The following NRXN3 variants were observed in gnomAD, a reference collection of about 807,000 sequenced individuals.
The protein encoded by NRXN3 is neurexin 3, also known as neurexin III.
In NRXN3, 32 loss-of-function variants were observed where a neutral mutation model predicts 137.6. The ratio of observed to expected loss-of-function variants is 0.23; its 90% CI spans 0.18 to 0.31. The LOEUF (loss-of-function observed/expected upper bound fraction) is 0.31. Ranked by LOEUF, NRXN3 falls within the 10% of genes least tolerant of loss-of-function variation. The pLI, the probability that NRXN3 is intolerant of heterozygous loss-of-function variation, is 1.00. For synonymous variants in NRXN3, 798 were observed against 784.5 expected (o/e 1.02, Z -0.29); for missense variants, 1,574 against 2,062.5 (o/e 0.76, Z 4.59).
intron 15 of NRXN3, among the ~76,000 whole-genome samples, chr14:79,084,965 TGCATTAAG>T (rs1462172420): frequency 7.9e-5 from 12 of 152,114 alleles, no homozygotes; most frequent in Non-Finnish European, 1.6e-4. Flanking sequence ...TAAGGTAAAA[TGCATTAAG>T]GCTTAAGAGC....
chr14:78,768,823 A>G (rs963560708), intron 8 of NRXN3, among the ~76,000 whole-genome samples: 2 of 152,206 alleles, frequency 1.3e-5, no homozygotes, highest in Admixed American at 6.5e-5. Flanking sequence ...ATTAGTTTCC[A>G]TGCTGTCTCT....
chr14:79,116,694 A>G (rs900673664), intron 15 of NRXN3, among the ~76,000 whole-genome samples: 30 of 152,348 alleles, frequency 2.0e-4, no homozygotes, highest in African/African-American at 6.7e-4. Flanking sequence ...GTCTTTAAAT[A>G]AATGTTAGGG....
chr14:78,379,925 T>C (rs1185884709), intron 4 of NRXN3, among the ~76,000 whole-genome samples: 1 of 152,172 alleles, frequency 6.6e-6, no homozygotes, highest in African/African-American at 2.4e-5. Context: ...CAAAGAACAA[T>C]TGTATTTCTA....
At chr14:78,174,358 G>C (rs545469480) in intron 1 of NRXN3, among the ~76,000 whole-genome samples, 1 of 152,150 alleles carries the variant, frequency 6.6e-6, no homozygotes, top group African/African-American at 2.4e-5. Flanking sequence ...TCAGTGGGCT[G>C]TGTCGAACCA....
rs1312449662 is a variant in NRXN3 at position 78,404,225 on chromosome 14, G to C, written c.757+106365G>C. Among the ~76,000 whole-genome samples, 3 of 128,262 alleles carry C rather than the reference G, an allele frequency of 2.3e-5. No individual in the cohort carries two copies. The Admixed American group carries it at 2.5e-4, about 11-fold the overall frequency. 84.1% of individuals were successfully genotyped at this position (128,262 alleles called of 152,430 possible). On this transcript the variant is annotated intron_variant, in intron 4 of 20. Transcript: ENST00000335750. ...TTTTCCTTTTTTTTTTTTTTTTTAAGTTGTCGCTGCATGGGAGCAGGCAGA... is the reference window on the plus strand; with the variant it reads ...TTTTCCTTTTTTTTTTTTTTTTTAACTTGTCGCTGCATGGGAGCAGGCAGA...
At chr14:78,761,580 T>C (rs1456891124) in intron 8 of NRXN3, among the ~76,000 whole-genome samples, 1 of 152,174 alleles carries the variant, frequency 6.6e-6, no homozygotes, top group Non-Finnish European at 1.5e-5. Flanking sequence ...AAAACTGAGC[T>C]TGAACTTTTA....
chr14:78,802,878 AGAGG>A (rs1182059551), intron 8 of NRXN3, among the ~76,000 whole-genome samples: 27 of 152,202 alleles, frequency 1.8e-4, no homozygotes, highest in Non-Finnish European at 3.7e-4. Context: ...CCAGGGAGGC[AGAGG>A]CTGCAGTGAG....
At chr14:78,659,091 G>A (rs2097810779) in intron 6 of NRXN3, among the ~76,000 whole-genome samples, 1 of 152,080 alleles carries the variant, frequency 6.6e-6, no homozygotes, top group Admixed American at 6.6e-5. Context: ...GATCAAATGA[G>A]GTCATATGGA....
At chr14:79,747,837 C>G (rs545026751) in intron 19 of NRXN3, among the ~76,000 whole-genome samples, 1 of 152,180 alleles carries the variant, frequency 6.6e-6, no homozygotes, top group South Asian at 2.1e-4. Context: ...TTAGGTGGCT[C>G]GGTCATGCCC....
At chr14:78,910,803 C>T (rs2099235234) in intron 10 of NRXN3, among the ~76,000 whole-genome samples, 1 of 152,122 alleles carries the variant, frequency 6.6e-6, no homozygotes, top group Non-Finnish European at 1.5e-5. Flanking sequence ...AGAATCGTGC[C>T]TAGCATATAG....
intron 20 of NRXN3, among the ~76,000 whole-genome samples, chr14:79,858,183 T>C (rs1488895392): frequency 6.6e-6 from 1 of 151,010 alleles, no homozygotes. Flanking sequence ...CTTGCATTAG[T>C]GTGTTAAATG....
chr14:79,129,219 G>C (rs2057054402), intron 15 of NRXN3, among the ~76,000 whole-genome samples: 1 of 151,032 alleles, frequency 6.6e-6, no homozygotes, highest in Non-Finnish European at 1.5e-5. Flanking sequence ...CCTTCTTCTA[G>C]CTTTTGAATG....
intron 17 of NRXN3, among the ~76,000 whole-genome samples, chr14:79,672,769 G>A (rs2098616686): frequency 6.6e-6 from 1 of 151,936 alleles, no homozygotes; most frequent in Admixed American, 6.6e-5. Flanking sequence ...CTCTGCCCCA[G>A]AGCTGCCTGA....
At chr14:79,696,526 C>G (rs1407658655) in intron 18 of NRXN3, among the ~76,000 whole-genome samples, 1 of 151,732 alleles carries the variant, frequency 6.6e-6, no homozygotes, top group Non-Finnish European at 1.5e-5. Flanking sequence ...TAAAGAAGGC[C>G]TTAGCATATT....
At chr14:79,501,199 C>A (rs562701276) in intron 16 of NRXN3, among the ~76,000 whole-genome samples, 3 of 152,110 alleles carry the variant, frequency 2.0e-5, no homozygotes, top group Non-Finnish European at 4.4e-5. Context: ...CGATGCTTTC[C>A]AGACTGGGTT....
intron 10 of NRXN3, among the ~76,000 whole-genome samples, chr14:78,898,358 G>A (rs574558716): frequency 3.6e-4 from 54 of 151,988 alleles, no homozygotes; most frequent in African/African-American, 1.1e-3. Context: ...CTGAAATGTG[G>A]TTAAATTTCC....
intron 4 of NRXN3, among the ~76,000 whole-genome samples, chr14:78,555,124 G>C (rs144485656): frequency 6.6e-6 from 1 of 152,036 alleles, no homozygotes; most frequent in African/African-American, 2.4e-5. Context: ...ATTCACTAAC[G>C]GATGGTTGTG....
chr14:79,220,449 G>A (rs936800043), intron 15 of NRXN3, among the ~76,000 whole-genome samples: 6 of 152,118 alleles, frequency 3.9e-5, no homozygotes, highest in Non-Finnish European at 7.4e-5. Context: ...TGATGAAACA[G>A]TATTGACACG....
At chr14:79,416,124 C>CAA (rs1320350384) in intron 15 of NRXN3, among the ~76,000 whole-genome samples, 1 of 151,968 alleles carries the variant, frequency 6.6e-6, no homozygotes, top group Non-Finnish European at 1.5e-5. Flanking sequence ...TTAATGATTC[C>CAA]AAAGGCAATC....
Sources: gnomAD v4.1 joint callset for allele counts (sites outside exome capture counted in the v4.1 genomes callset) on GRCh38, gnomAD v4.1.1 for gene constraint, MANE v1.5 for transcripts, NCBI Gene and HGNC (gene_info 2026-07-23, HGNC 2026-07-21) for gene names.